The following FOCAD variants were observed in gnomAD, a reference collection of about 807,000 sequenced individuals.
The protein encoded by FOCAD is focadhesin.
FOCAD carries 198 observed loss-of-function variants against 225.6 expected under a neutral mutation model. That is an observed-to-expected ratio of 0.88 (90% CI 0.78 to 0.99). FOCAD has a LOEUF of 0.99. Among genes scored for constraint, FOCAD ranks in the 50% least tolerant of loss-of-function variants. The probability of loss-of-function intolerance (pLI) is 0.00; values close to 1 mark genes in which losing one functional copy is unlikely to be tolerated. For synonymous variants in FOCAD, 897 were observed against 755.0 expected (o/e 1.19, Z -3.08); for missense variants, 2,713 against 2,123.6 (o/e 1.28, Z -5.46).
At chr9:20,975,327 T>A (rs926960364) in intron 35 of FOCAD, among the ~76,000 whole-genome samples, 1 of 152,152 alleles carries the variant, frequency 6.6e-6, no homozygotes. Context: ...TTCCTTTAAA[T>A]AGGAATATAA....
intron 15 of FOCAD, among the ~76,000 whole-genome samples, chr9:20,842,913 A>G (rs771441600): frequency 2.0e-5 from 3 of 151,852 alleles, no homozygotes; most frequent in Non-Finnish European, 2.9e-5. Flanking sequence ...GTTATCATGA[A>G]GCTCGCAAAT....
intron 1 of FOCAD, among the ~76,000 whole-genome samples, chr9:20,687,716 C>T (rs1822749114): frequency 6.6e-6 from 1 of 152,038 alleles, no homozygotes. Flanking sequence ...TTATTTATTC[C>T]TTCATTCAGC....
chr9:20,711,542 T>C (rs1178428245), intron 1 of FOCAD, among the ~76,000 whole-genome samples: 1 of 152,112 alleles, frequency 6.6e-6, no homozygotes, highest in Non-Finnish European at 1.5e-5. Context: ...AAGCCTGCCA[T>C]GAGGAACTAA....
At chr9:20,863,943 A>C (rs1207279161) in intron 16 of FOCAD, among the ~76,000 whole-genome samples, 1 of 151,946 alleles carries the variant, frequency 6.6e-6, no homozygotes, top group Non-Finnish European at 1.5e-5. Flanking sequence ...CTTTTGGACC[A>C]GATTTTTTTT....
chr9:20,992,332 C>G (rs1841742565), intron 42 of FOCAD, among the ~76,000 whole-genome samples: 1 of 152,158 alleles, frequency 6.6e-6, no homozygotes, highest in East Asian at 1.9e-4. Flanking sequence ...TTTCAATTTT[C>G]TGTTTCATAT....
intron 35 of FOCAD, among the ~76,000 whole-genome samples, chr9:20,954,678 C>T (rs551322126): frequency 1.3e-5 from 2 of 152,174 alleles, no homozygotes; most frequent in Non-Finnish European, 2.9e-5. Context: ...TATGTGCAGT[C>T]TTGCTGAAAG....
chr9:20,676,135 T>G (rs373132223), intron 2 of FOCAD, among the ~76,000 whole-genome samples: 1 of 152,180 alleles, frequency 6.6e-6, no homozygotes, highest in Non-Finnish European at 1.5e-5. Flanking sequence ...TAAAGCCCAT[T>G]GTTACTTACT....
chr9:20,866,974 A>AGTTG lies in FOCAD; in HGVS notation c.2154_2155insTGGT (p.Ala719TrpfsTer12). On this transcript the variant is annotated frameshift_variant, in exon 18 of 44. Transcript: ENST00000338382. LOFTEE classifies it high-confidence loss of function. ...TGCATATAGATCCCTGGCCAACTTT[A>AGTTG]GTGCAGGAGAACACACCATTCTTCA... The AGTTG allele has an allele frequency of 4.0e-6, 6 of 1,497,496 alleles. No individual in the cohort carries two copies. Among genetic ancestry groups the AGTTG allele is most frequent in the Non-Finnish European group, 5.4e-6 (6 of 1,116,266 alleles). 92.8% of individuals were successfully genotyped at this position (1,497,496 alleles called of 1,614,324 possible).
In FOCAD at chr9:20,709,139, G is replaced by C. The variant is rs145983472; in HGVS notation, c.-32-6183G>C. Among the ~76,000 whole-genome samples, 213 of 152,110 alleles carry C rather than the reference G, an allele frequency of 1.4e-3. 5 individuals are homozygous for C. The South Asian group carries it at 0.021, about 15-fold the overall frequency. ...GTGCAATTGATAGATTAATTTTCTT[G>C]GAAGTATTCTTAGGGGCTGAACTAC... On this transcript the variant is annotated intron_variant, in intron 1 of 43. Transcript: ENST00000338382.
chr9:20,808,017 T>G (rs917089553), intron 11 of FOCAD, among the ~76,000 whole-genome samples: 5 of 152,016 alleles, frequency 3.3e-5, no homozygotes, highest in Middle Eastern at 3.4e-3. Context: ...CGCCACTGTA[T>G]TCTAGGGCGA....
Position 20,798,273 on chromosome 9 carries a change from A to G in FOCAD, c.1455+8665A>G, listed in dbSNP as rs1366430486. 7.9e-5 allele frequency among the ~76,000 whole-genome samples: 12 copies of G among 152,140 alleles called. No homozygotes were observed. In the East Asian group the frequency reaches 2.1e-3, roughly 27 times the overall value. ...CCAGTATTTTATTGAATATTTTTGC[A>G]TGGATGTTCATCAGGGATATTGGTC... On this transcript the variant is annotated intron_variant, in intron 11 of 43. Transcript: ENST00000338382.
intron 35 of FOCAD, among the ~76,000 whole-genome samples, chr9:20,960,026 C>G (rs1838556421): frequency 6.6e-6 from 1 of 152,072 alleles, no homozygotes; most frequent in Admixed American, 6.6e-5. Context: ...ACCAGGGGCA[C>G]TATTCAAGTT....
chr9:20,809,010 G>A (rs1587254186), intron 11 of FOCAD, among the ~76,000 whole-genome samples: 1 of 152,138 alleles, frequency 6.6e-6, no homozygotes, highest in Admixed American at 6.6e-5. Context: ...TGTATACACA[G>A]AAATGTACAC....
chr9:20,669,481 A>T (rs1451001444), intron 2 of FOCAD, among the ~76,000 whole-genome samples: 28 of 152,214 alleles, frequency 1.8e-4, no homozygotes, highest in Admixed American at 1.4e-3. Context: ...GGCCAGTGAA[A>T]AAAGAAAACA....
chr9:20,770,842 A>T (rs2131008125), intron 8 of FOCAD, among the ~76,000 whole-genome samples: 1 of 152,310 alleles, frequency 6.6e-6, no homozygotes, highest in South Asian at 2.1e-4. Context: ...TACTCTTCGG[A>T]TCATCAATTA....
chr9:20,776,851 G>GT (rs1235984685), intron 8 of FOCAD, among the ~76,000 whole-genome samples: 2 of 151,908 alleles, frequency 1.3e-5, no homozygotes, highest in Non-Finnish European at 2.9e-5. Flanking sequence ...TTTTCCTTTT[G>GT]TTTTTTTATG....
At chr9:20,816,629 C>T (rs1164263657) in intron 11 of FOCAD, among the ~76,000 whole-genome samples, 1 of 151,758 alleles carries the variant, frequency 6.6e-6, no homozygotes, top group East Asian at 1.9e-4. Flanking sequence ...ATATTTTTTC[C>T]TTTTTGAAAT....
At chr9:20,777,871 G>A (rs1429959338) in intron 8 of FOCAD, among the ~76,000 whole-genome samples, 2 of 152,028 alleles carry the variant, frequency 1.3e-5, no homozygotes, top group African/African-American at 4.8e-5. Flanking sequence ...GGGAGGCCGA[G>A]GCGGGCGGAT....
At chr9:20,988,305 A>G (rs1332183310) in intron 40 of FOCAD, 27 bp from the exon 41 acceptor site, 5 of 1,394,946 alleles carry the variant, frequency 3.6e-6, no homozygotes, top group Non-Finnish European at 5.1e-6. Context: ...ACCATGGTCT[A>G]GTAAGAAAAT....
Sources: gnomAD v4.1 joint callset for allele counts (sites outside exome capture counted in the v4.1 genomes callset) on GRCh38, gnomAD v4.1.1 for gene constraint, MANE v1.5 for transcripts, NCBI Gene and HGNC (gene_info 2026-07-23, HGNC 2026-07-21) for gene names.